SLC6A19: variants seen among roughly 807,000 people sequenced by gnomAD.
SLC6A19 encodes the protein sodium-dependent neutral amino acid transporter B(0)AT1.
A neutral mutation model predicts 68.3 loss-of-function variants in SLC6A19; 67 were observed. The observed-to-expected ratio is 0.98, with a 90% CI of 0.81 to 1.20. The LOEUF is 1.20. SLC6A19 is among the 50% of genes most tolerant of loss of function. SLC6A19 has a pLI of 0.00. For synonymous variants in SLC6A19, 392 were observed against 374.9 expected (o/e 1.05, Z -0.53); for missense variants, 813 against 851.6 (o/e 0.95, Z 0.56).
intron 1 of SLC6A19, among the ~76,000 whole-genome samples, chr5:1,203,355 T>G (rs1313369376): frequency 6.6e-6 from 1 of 152,252 alleles, no homozygotes; most frequent in Non-Finnish European, 1.5e-5. Context: ...GCGAGCAGCT[T>G]TCAAGCAGCG....
chr5:1,219,473 G>A (rs1746304609), intron 9 of SLC6A19, 32 bp from the exon 10 acceptor site: 2 of 1,607,210 alleles, frequency 1.2e-6, no homozygotes, highest in South Asian at 1.1e-5. Flanking sequence ...CAGCCCCTGG[G>A]CGTGTGAGCA....
In SLC6A19 at chr5:1,224,802, G is replaced by C. The variant is rs998765057; in HGVS notation, c.*2898G>C. On this transcript the variant is annotated 3_prime_UTR_variant, in exon 12 of 12. Transcript: ENST00000304460. Reference sequence around the variant, plus strand: ...GCACTGTGGGGAGCTCCTTAGAGCTGAACTCACCCGGCGTCAACTCATCAA... The same window carrying C: ...GCACTGTGGGGAGCTCCTTAGAGCTCAACTCACCCGGCGTCAACTCATCAA... 16 of 152,726 alleles carry C rather than the reference G, an allele frequency of 1.0e-4. No individual in the cohort carries two copies. The highest frequency in any genetic ancestry group is 3.9e-4 in the African/African-American group (16 of 41,478). The allele number at this position is 152,726 out of a possible 1,614,324, so 9.5% of individuals were successfully genotyped here.
rs1000850405 is a variant in SLC6A19, at chr5:1,214,920, C to T, written c.887+855C>T. Reference sequence around the variant, plus strand: ...CTGGGCAGGGAGGGCATAGCTGAGGCGGGGCTGGGGCTTGGCAGGTGCAGA... The same window carrying T: ...CTGGGCAGGGAGGGCATAGCTGAGGTGGGGCTGGGGCTTGGCAGGTGCAGA... On this transcript the variant is annotated intron_variant, in intron 6 of 11. Coordinates refer to ENST00000304460, the MANE Select transcript of SLC6A19 (RefSeq NM_001003841.3). The surrounding 1 kb of genome is among the most constrained non-coding windows in gnomAD (Gnocchi z 7.4). Among the ~76,000 whole-genome samples the T allele has an allele frequency of 3.8e-5, 5 of 133,314 alleles. No individual in the cohort carries two copies. The highest frequency in any genetic ancestry group is 8.0e-5 in the Non-Finnish European group (5 of 62,456). The allele number at this position is 133,314 out of a possible 152,430, so 87.5% of individuals were successfully genotyped here. A position where few individuals can be genotyped will look rare whatever the true frequency, so the allele number is the denominator to read the frequency against.
At position 1,214,444 on chromosome 5, in the gene SLC6A19, C is replaced by T. The variant is rs183234737; in HGVS notation, c.887+379C>T. On this transcript the variant is annotated intron_variant, in intron 6 of 11. Coordinates refer to ENST00000304460, the MANE Select transcript of SLC6A19 (RefSeq NM_001003841.3). This position sits in a 1 kb window ranked among gnomAD's most constrained non-coding sequence, Gnocchi z 7.4. ...GCGCCCCCGACGCCCTCCACGTCCC[C>T]GACCAAGGTCTGATCCTTCCACTGC... 4.2e-4 allele frequency among the ~76,000 whole-genome samples: 64 copies of T among 152,314 alleles called. No individual in the cohort carries two copies. In the South Asian group the frequency reaches 5.4e-3, roughly 13 times the overall value.
chr5:1,206,556 T>C (rs1244535825), intron 1 of SLC6A19, among the ~76,000 whole-genome samples: 1 of 151,934 alleles, frequency 6.6e-6, no homozygotes, highest in South Asian at 2.1e-4. Flanking sequence ...GGGGATGGAA[T>C]GGAGGGAGCT....
intron 3 of SLC6A19, among the ~76,000 whole-genome samples, chr5:1,211,354 G>C (rs867693809): frequency 3.9e-5 from 6 of 152,360 alleles, no homozygotes; most frequent in South Asian, 2.1e-4. Flanking sequence ...GGTTCCACAA[G>C]CCCAGAGAGG....
chr5:1,204,891 C>T (rs1372947685), intron 1 of SLC6A19, among the ~76,000 whole-genome samples: 1 of 146,072 alleles, frequency 6.8e-6, no homozygotes, highest in Non-Finnish European at 1.5e-5. Flanking sequence ...TACTTGGTGC[C>T]ACAAACACCA....
At position 1,216,815 on chromosome 5, in the gene SLC6A19, T is replaced by G; in HGVS notation, c.1043T>G (p.Phe348Cys). The part of the protein sequence containing the change: ...STNILTLING[F>C]DLPEGNVTQE... Reference sequence around the variant, plus strand: ...AACATCCTGACCCTCATCAACGGGTTCGACCTGCCTGAAGGCAACGTGACC... The same window carrying G: ...AACATCCTGACCCTCATCAACGGGTGCGACCTGCCTGAAGGCAACGTGACC... Residue 348 changes from phenylalanine to cysteine, a missense_variant, in exon 8 of 12, where the codon TTC becomes TGC. Physicochemically the swap from Phe to Cys is radical, Grantham distance 205. Transcript: ENST00000304460. 1 of 1,613,820 alleles carries G rather than the reference T, an allele frequency of 6.2e-7. No individual in the cohort carries two copies.
Position 1,222,107 on chromosome 5 carries a change from G to A in SLC6A19, c.*203G>A, listed in dbSNP as rs1746401686. The A allele has an allele frequency of 1.6e-6, 1 of 633,946 alleles. No individual in the cohort carries two copies. Among genetic ancestry groups the A allele is most frequent in the Non-Finnish European group, 2.8e-6 (1 of 361,400 alleles). 39.3% of individuals were successfully genotyped at this position (633,946 alleles called of 1,614,324 possible). A position where few individuals can be genotyped will look rare whatever the true frequency, so the allele number is the denominator to read the frequency against. ...GTACATGCATGGGCACTGTGTGAGT[G>A]TGCACGTGTATGCACACATATACAT... On this transcript the variant is annotated 3_prime_UTR_variant, in exon 12 of 12. Coordinates refer to ENST00000304460, the MANE Select transcript of SLC6A19 (RefSeq NM_001003841.3).
Position 1,214,365 on chromosome 5 carries a change from A to T in SLC6A19, c.887+300A>T, listed in dbSNP as rs1482095743. ...TGTGCTCTCCCCAGTTCCCTGCTCC[A>T]CACCCACATCGCTCCCAGCCCACCC... On this transcript the variant is annotated intron_variant, in intron 6 of 11. Coordinates refer to ENST00000304460, the MANE Select transcript of SLC6A19 (RefSeq NM_001003841.3). The surrounding 1 kb of genome is among the most constrained non-coding windows in gnomAD (Gnocchi z 7.4). 6.6e-6 allele frequency among the ~76,000 whole-genome samples: 1 copy of T among 151,934 alleles called. No homozygotes were observed. The highest frequency in any genetic ancestry group is 1.5e-5 in the Non-Finnish European group (1 of 67,958).
At chr5:1,211,340 G>A (rs1262877588) in intron 3 of SLC6A19, among the ~76,000 whole-genome samples, 1 of 152,262 alleles carries the variant, frequency 6.6e-6, no homozygotes, top group East Asian at 1.9e-4. Context: ...AAAGGTCTCA[G>A]GATGGTTCCA....
chr5:1,208,962 T>G lies in SLC6A19; in HGVS notation c.343+76T>G, dbSNP rs557347561. On this transcript the variant is annotated intron_variant, in intron 2 of 11. Coordinates refer to ENST00000304460, the MANE Select transcript of SLC6A19 (RefSeq NM_001003841.3). ...GAAGCCGTTCCACCCGGGCCCAGGG[T>G]TCGCCTTGCCGGCCTCGGTGCCCCT... 231 of 1,533,976 alleles carry G rather than the reference T, an allele frequency of 1.5e-4. 2 individuals carry two copies. The South Asian group carries it at 2.6e-3, about 17-fold the overall frequency.
At chr5:1,221,093 C>T in intron 10 of SLC6A19, 58 bp from the exon 11 acceptor site, 2 of 1,591,042 alleles carry the variant, frequency 1.3e-6, no homozygotes, top group Admixed American at 1.8e-5. Context: ...GTACAGAAAG[C>T]TTAGCGAGTT....
In SLC6A19 at chr5:1,209,405, G is replaced by T. The variant is rs1745956123; in HGVS notation, c.343+519G>T. 1.3e-5 allele frequency among the ~76,000 whole-genome samples: 2 copies of T among 152,158 alleles called. No individual in the cohort carries two copies. The highest frequency in any genetic ancestry group is 6.5e-5 in the Admixed American group (1 of 15,292). ...ACGGTGAAAGACGGAGGAGGAAAGG[G>T]CAGGGTCCACTCCAGAGAGGAGTCT... On this transcript the variant is annotated intron_variant, in intron 2 of 11. Transcript: ENST00000304460. This position sits in a 1 kb window ranked among gnomAD's most constrained non-coding sequence, Gnocchi z 5.5.
chr5:1,219,346 A>G lies in SLC6A19; in HGVS notation c.1379-159A>G, dbSNP rs1298245166. On this transcript the variant is annotated intron_variant, in intron 9 of 11. Coordinates refer to ENST00000304460, the MANE Select transcript of SLC6A19 (RefSeq NM_001003841.3). ...CCGGCCGTGCGTGCAGCCGCCGGGC[A>G]TGTGAGCAGCTCTGTCCCCGGCAGT... Among the ~76,000 whole-genome samples, 290 of 89,666 alleles carry G rather than the reference A, an allele frequency of 3.2e-3. No individual in the cohort carries two copies. In the Middle Eastern group the frequency reaches 0.052, roughly 16 times the overall value. The allele number at this position is 89,666 out of a possible 152,430, so 58.8% of individuals were successfully genotyped here. A position where few individuals can be genotyped will look rare whatever the true frequency, so the allele number is the denominator to read the frequency against.
intron 1 of SLC6A19, among the ~76,000 whole-genome samples, chr5:1,204,613 G>C (rs558579320): frequency 6.6e-6 from 1 of 152,210 alleles, no homozygotes; most frequent in African/African-American, 2.4e-5. Flanking sequence ...CAGTTGCCCC[G>C]TGTGTCCCCG....
In SLC6A19 at chr5:1,218,900, C is replaced by A; in HGVS notation, c.1174-3C>A. ...CCCTGGTGACTGTGTGTCATCCGTG[C>A]AGGCCGTGGAGGGCACAGGCCTGGC... On this transcript the variant is annotated splice_polypyrimidine_tract_variant and splice_region_variant and intron_variant, in intron 8 of 11. Coordinates refer to ENST00000304460, the MANE Select transcript of SLC6A19 (RefSeq NM_001003841.3). The A allele has an allele frequency of 3.7e-6, 6 of 1,612,928 alleles. No individual in the cohort carries two copies. Among genetic ancestry groups the A allele is most frequent in the Non-Finnish European group, 5.1e-6 (6 of 1,179,868 alleles).
At chr5:1,203,905 G>A (rs989969318) in intron 1 of SLC6A19, among the ~76,000 whole-genome samples, 1 of 152,204 alleles carries the variant, frequency 6.6e-6, no homozygotes. Context: ...CTGCCACAAG[G>A]GAGCTTTCAG....
rs1255950652 is a variant in SLC6A19 at position 1,212,862 on chromosome 5, G to C, written c.663+378G>C. Among the ~76,000 whole-genome samples the C allele has an allele frequency of 6.6e-6, 1 of 152,108 alleles. No individual in the cohort carries two copies. Among genetic ancestry groups the C allele is most frequent in the African/African-American group, 2.4e-5 (1 of 41,388 alleles). ...TAAGGCTTGATCTTCCCCTACATGGGAATCTTTGGTACGAGGTCCAGAGCG... is the reference window on the plus strand; with the variant it reads ...TAAGGCTTGATCTTCCCCTACATGGCAATCTTTGGTACGAGGTCCAGAGCG... On this transcript the variant is annotated intron_variant, in intron 4 of 11. Coordinates refer to ENST00000304460, the MANE Select transcript of SLC6A19 (RefSeq NM_001003841.3). The surrounding 1 kb of genome is among the most constrained non-coding windows in gnomAD (Gnocchi z 5.1).
Sources: allele counts gnomAD v4.1 joint callset (sites outside exome capture counted in the v4.1 genomes callset), GRCh38; gene constraint gnomAD v4.1.1; non-coding constraint Gnocchi (gnomAD v3.1); transcripts MANE v1.5; gene names NCBI Gene and HGNC (gene_info 2026-07-23, HGNC 2026-07-21).